Variants in MAGT1 observed in about 807,000 individuals in gnomAD.
MAGT1 encodes dolichyl-diphosphooligosaccharide--protein glycosyltransferase subunit MAGT1.
In MAGT1, 4 loss-of-function variants were observed where a neutral mutation model predicts 28.4. The ratio of observed to expected loss-of-function variants is 0.14; its 90% CI spans 0.07 to 0.32. The LOEUF is 0.32. Among genes scored for constraint, MAGT1 ranks in the 10% least tolerant of loss-of-function variants. The pLI is 1.00. For missense variants in MAGT1, 193 were observed against 264.5 expected, an observed-to-expected ratio of 0.73 and a Z score of 1.88; for synonymous variants, 89 against 89.7, an observed-to-expected ratio of 0.99 and a Z score of 0.04.
At chrX:77,835,494 G>T (rs898396185) in intron 8 of MAGT1, among the ~76,000 whole-genome samples, 4 of 111,733 alleles carry the variant, frequency 3.6e-5, no homozygotes, top group Non-Finnish European at 7.5e-5. Context: ...TGGGGGGAAT[G>T]TAAGTTAGTA....
intron 1 of MAGT1, among the ~76,000 whole-genome samples, chrX:77,883,739 G>A (rs1440008057): frequency 1.9e-5 from 2 of 106,886 alleles, no homozygotes; most frequent in Admixed American, 1.0e-4. Context: ...TTGTAGAGAC[G>A]GGGTTTTGCC....
chrX:77,888,177 A>C (rs2077072573), intron 1 of MAGT1, among the ~76,000 whole-genome samples: 1 of 112,049 alleles, frequency 8.9e-6, no homozygotes. Context: ...TATTGGATAT[A>C]TTTTTTATAA....
Position 77,892,698 on chromosome X carries a change from G to A in MAGT1, c.102+2611C>T, listed in dbSNP as rs908666870. 5.4e-5 allele frequency among the ~76,000 whole-genome samples: 6 copies of A among 111,080 alleles called. No homozygotes were observed. In the Admixed American group the frequency reaches 5.8e-4, roughly 11 times the overall value. On this transcript the variant is annotated intron_variant, in intron 1 of 9. Coordinates refer to ENST00000618282, the MANE Select transcript of MAGT1 (RefSeq NM_001367916.1). The stretch of plus-strand genomic sequence containing the variant: ...TGTAGTCCCAGCTGGGAAGTCTTAG[G>A]TGGGAGGATCACCTGAGCCCAGTGA...
intron 8 of MAGT1, among the ~76,000 whole-genome samples, chrX:77,832,072 A>G (rs1216240712): frequency 1.1e-4 from 12 of 111,634 alleles, no homozygotes; most frequent in Non-Finnish European, 1.9e-4. Context: ...TTTGAATGAG[A>G]AAAAAAATCT....
chrX:77,857,462 A>G lies in MAGT1; in HGVS notation c.426T>C (p.Phe142=). The stretch of plus-strand genomic sequence containing the variant: ...CCCGTTTGGGTTTCCCTTTTGCAGG[A>G]AAGTTGATGAAAGTTGGAGCTGAAT... ...NMNSAPTFIN[F]PAKGKPKRGD... The change falls in exon 4 of 10, where the codon TTT becomes TTC. Residue 142 remains phenylalanine (F), a synonymous_variant. Coordinates refer to ENST00000618282, the MANE Select transcript of MAGT1 (RefSeq NM_001367916.1). The G allele has an allele frequency of 5.0e-6, 6 of 1,211,628 alleles. No individual in the cohort carries two copies. Among genetic ancestry groups the G allele is most frequent in the Non-Finnish European group, 6.7e-6 (6 of 895,293 alleles).
chrX:77,834,299 T>C (rs2076909749), intron 8 of MAGT1, among the ~76,000 whole-genome samples: 3 of 101,314 alleles, frequency 3.0e-5, no homozygotes, highest in African/African-American at 3.6e-5. Context: ...CATATATATA[T>C]ATACATGTGT....
At chrX:77,859,595 G>A (rs782537205) in intron 3 of MAGT1, among the ~76,000 whole-genome samples, 232 of 112,114 alleles carry the variant, frequency 2.1e-3, no homozygotes, top group Non-Finnish European at 2.5e-3. Context: ...GCCCAGGCAC[G>A]GTGGCTCACG....
At chrX:77,875,715 G>C in intron 1 of MAGT1, 118 bp from the exon 2 acceptor site, 9 of 673,655 alleles carry the variant, frequency 1.3e-5, no homozygotes, top group Non-Finnish European at 2.1e-5. Flanking sequence ...GAAAATGTGA[G>C]ACCTAAAGCC....
intron 1 of MAGT1, among the ~76,000 whole-genome samples, chrX:77,892,578 C>T (rs2077086086): frequency 9.0e-6 from 1 of 110,808 alleles, no homozygotes; most frequent in Admixed American, 9.7e-5. Context: ...GGGTAGATCA[C>T]TTGAGTCCAG....
intron 1 of MAGT1, among the ~76,000 whole-genome samples, chrX:77,889,496 T>C (rs1050755494): frequency 1.1e-4 from 12 of 106,621 alleles, no homozygotes; most frequent in African/African-American, 4.1e-4. Context: ...CTTAGCCTCC[T>C]GAGTAGCTGG....
At chrX:77,843,858 T>C (rs950993423) in intron 7 of MAGT1, among the ~76,000 whole-genome samples, 16 of 111,641 alleles carry the variant, frequency 1.4e-4, no homozygotes, top group Non-Finnish European at 2.6e-4. Context: ...CAGTATTTTA[T>C]TGAGGATTTT....
chrX:77,874,287 C>CT (rs201973743), intron 2 of MAGT1, among the ~76,000 whole-genome samples: 87 of 101,708 alleles, frequency 8.6e-4, no homozygotes, highest in Admixed American at 3.3e-3. Context: ...CCAGCTGCAT[C>CT]TTTTTTTTAA....
chrX:77,858,730 C>T (rs2076987588), intron 3 of MAGT1, among the ~76,000 whole-genome samples: 1 of 111,297 alleles, frequency 9.0e-6, no homozygotes, highest in Admixed American at 9.7e-5. Flanking sequence ...GGTCAGTAGG[C>T]ACAAAATCCC....
intron 3 of MAGT1, among the ~76,000 whole-genome samples, chrX:77,864,342 A>G (rs1474792610): frequency 2.7e-5 from 3 of 110,515 alleles, no homozygotes; most frequent in African/African-American, 9.9e-5. Context: ...AGTTAGAAGG[A>G]GTAAGATCTA....
At chrX:77,877,329 TA>T (rs1557217950) in intron 1 of MAGT1, among the ~76,000 whole-genome samples, 1 of 107,144 alleles carries the variant, frequency 9.3e-6, no homozygotes. Context: ...CAGTCTCTAC[TA>T]AAAATACAAA....
chrX:77,869,550 C>T (rs1238666143), intron 3 of MAGT1, among the ~76,000 whole-genome samples: 2 of 111,231 alleles, frequency 1.8e-5, no homozygotes, highest in Non-Finnish European at 3.8e-5. Context: ...TCAAACAAAT[C>T]AGCAAGAGGA....
intron 1 of MAGT1, among the ~76,000 whole-genome samples, chrX:77,876,165 T>TA (rs1491126690): frequency 0.065 from 853 of 13,123 alleles, 7 homozygotes; most frequent in African/African-American, 0.15. Context: ...TATATATATA[T>TA]TTTTTTTTTT....
chrX:77,895,269 C>A (rs2077095148), intron 1 of MAGT1, 40 bp downstream of exon 1: 1 of 1,194,592 alleles, frequency 8.4e-7, no homozygotes. Context: ...AAGCCCCAGT[C>A]ATTGGGAAAA....
intron 3 of MAGT1, among the ~76,000 whole-genome samples, chrX:77,864,241 G>A (rs1440467222): frequency 1.2e-5 from 1 of 83,578 alleles, no homozygotes; most frequent in East Asian, 4.9e-4. Flanking sequence ...GCTGGGAAGA[G>A]TGTATGTGTG....
Sources: gnomAD v4.1 joint callset for allele counts (sites outside exome capture counted in the v4.1 genomes callset) on GRCh38, gnomAD v4.1.1 for gene constraint, MANE v1.5 for transcripts, NCBI Gene and HGNC (gene_info 2026-07-23, HGNC 2026-07-21) for gene names.